TTBK1: variants seen among roughly 807,000 people sequenced by gnomAD.
The protein encoded by TTBK1 is tau-tubulin kinase 1.
In TTBK1, 34 loss-of-function variants were observed where a neutral mutation model predicts 108.5. The ratio of observed to expected loss-of-function variants is 0.31; its 90% CI spans 0.24 to 0.42. The LOEUF (loss-of-function observed/expected upper bound fraction) is 0.42, where lower values mean the gene tolerates loss of function less well. TTBK1 is among the 10% of genes least tolerant of loss of function. The pLI is 1.00. For missense variants in TTBK1, 1,539 were observed against 1,826.0 expected (o/e 0.84, Z 2.86); for synonymous variants, 809 against 795.1 (o/e 1.02, Z -0.29).
At chr6:43,244,200 C>G (rs1453842044) in intron 1 of TTBK1, among the ~76,000 whole-genome samples, 1 of 151,892 alleles carries the variant, frequency 6.6e-6, no homozygotes, top group African/African-American at 2.4e-5. Context: ...CTGATCCTGT[C>G]GCTCCTCATC....
chr6:43,268,850 T>C, intron 13 of TTBK1, among the ~76,000 whole-genome samples: 1 of 152,120 alleles, frequency 6.6e-6, no homozygotes. Flanking sequence ...CTTCCCTCAT[T>C]TGGAAGAGTG....
rs756944971 is a variant in TTBK1 at position 43,282,758 on chromosome 6, A to G, written c.2018A>G (p.Asn673Ser). ...TCCGTGGCGCCCCCATTTGAGGTGAATGGCCTCCCACGAGCTGTGCCTCTG... is the reference window on the plus strand; with the variant it reads ...TCCGTGGCGCCCCCATTTGAGGTGAGTGGCCTCCCACGAGCTGTGCCTCTG... ...VFSVAPPFEV[N>S]GLPRAVPLSL... The change falls in exon 14 of 15, where the codon AAT becomes AGT. Residue 673 changes from asparagine to serine, a missense_variant. Transcript: ENST00000259750. This position sits in a 1 kb window ranked among gnomAD's most constrained non-coding sequence, Gnocchi z 5.4. The G allele has an allele frequency of 5.6e-6, 9 of 1,610,626 alleles. No homozygotes were observed. The highest frequency in any genetic ancestry group is 1.1e-5 in the South Asian group (1 of 90,934).
intron 7 of TTBK1, 69 bp from the exon 8 acceptor site, chr6:43,255,483 G>A: frequency 7.0e-7 from 1 of 1,420,794 alleles, no homozygotes; most frequent in Admixed American, 2.0e-5. Flanking sequence ...GCCCCTCAGA[G>A]AAGGGTCAGC....
chr6:43,275,223 C>CGCGGCCAGCGCCACGAATGT (rs1777937738), intron 13 of TTBK1, among the ~76,000 whole-genome samples: 1 of 152,098 alleles, frequency 6.6e-6, no homozygotes, highest in South Asian at 2.1e-4. Context: ...CGCCCGCCCC[C>CGCGGCCAGCGCCACGAATGT]GCGGCCAGCG....
At chr6:43,245,505 C>T (rs1777062124) in intron 1 of TTBK1, among the ~76,000 whole-genome samples, 1 of 152,200 alleles carries the variant, frequency 6.6e-6, no homozygotes, top group South Asian at 2.1e-4. Context: ...TACAGAGATA[C>T]ATGTAGAAAA....
intron 14 of TTBK1, among the ~76,000 whole-genome samples, chr6:43,284,761 C>A (rs1279810462): frequency 6.6e-6 from 1 of 152,174 alleles, no homozygotes; most frequent in East Asian, 1.9e-4. Flanking sequence ...AGAAAGCCAG[C>A]AGCAGGCTCT....
At position 43,259,820 on chromosome 6, in the gene TTBK1, TGA is replaced by T; in HGVS notation, c.1424+118_1424+119del. Reference sequence around the variant, plus strand: ...GAGGTGGGCAGACCCTGGGAAGTGCTGAGAGGGTTATACTTGGGCCTGGGGTC... The same window carrying T: ...GAGGTGGGCAGACCCTGGGAAGTGCTGAGGGTTATACTTGGGCCTGGGGTC... On this transcript the variant is annotated intron_variant, in intron 12 of 14. Coordinates refer to ENST00000259750, the MANE Select transcript of TTBK1 (RefSeq NM_032538.3). The surrounding 1 kb of genome is among the most constrained non-coding windows in gnomAD (Gnocchi z 6.7). The T allele has an allele frequency of 8.7e-7, 1 of 1,146,092 alleles. No homozygotes were observed. The highest frequency in any genetic ancestry group is 1.2e-6 in the Non-Finnish European group (1 of 830,216). 71.0% of individuals were successfully genotyped at this position (1,146,092 alleles called of 1,614,324 possible). A position where few individuals can be genotyped will look rare whatever the true frequency, so the allele number is the denominator to read the frequency against.
Position 43,259,728 on chromosome 6 carries a change from T to G in TTBK1, c.1424+22T>G. The G allele has an allele frequency of 6.5e-7, 1 of 1,544,702 alleles. No homozygotes were observed. Among genetic ancestry groups the G allele is most frequent in the Non-Finnish European group, 8.7e-7 (1 of 1,146,994 alleles). ...GGAGGTGGGTCTGGGGCCAGGGGCA[T>G]GGTTGGGGCCCAAGGCCCTCTCCGC... On this transcript the variant is annotated intron_variant, in intron 12 of 14. Transcript: ENST00000259750. The surrounding 1 kb of genome is among the most constrained non-coding windows in gnomAD (Gnocchi z 6.7).
At position 43,286,297 on chromosome 6, in the gene TTBK1, C is replaced by G. The variant is rs1389664756; in HGVS notation, c.*921C>G. 1.3e-5 allele frequency: 2 copies of G among 152,638 alleles called. No individual in the cohort carries two copies. The highest frequency in any genetic ancestry group is 2.4e-5 in the African/African-American group (1 of 41,428). The allele number at this position is 152,638 out of a possible 1,614,324, so 9.5% of individuals were successfully genotyped here. A position where few individuals can be genotyped will look rare whatever the true frequency, so the allele number is the denominator to read the frequency against. ...GTTCCCCTGATCTAGTGCTCAGGACCCTTCACCATCAGGAATTCCTTCCTG... is the reference window on the plus strand; with the variant it reads ...GTTCCCCTGATCTAGTGCTCAGGACGCTTCACCATCAGGAATTCCTTCCTG... On this transcript the variant is annotated 3_prime_UTR_variant, in exon 15 of 15. Transcript: ENST00000259750. The surrounding 1 kb of genome is among the most constrained non-coding windows in gnomAD (Gnocchi z 4.6).
At chr6:43,271,998 C>G (rs1340776374) in intron 13 of TTBK1, 1 of 985,114 alleles carries the variant, frequency 1.0e-6, no homozygotes, top group Non-Finnish European at 1.2e-6. Context: ...CAAGGTGGAC[C>G]CTTTGAGAAG....
intron 13 of TTBK1, among the ~76,000 whole-genome samples, chr6:43,272,953 C>T (rs575653029): frequency 6.6e-6 from 1 of 152,144 alleles, no homozygotes; most frequent in Admixed American, 6.5e-5. Flanking sequence ...GTGGTGTTTT[C>T]GCACTTCATA....
chr6:43,266,611 G>C (rs541185723), intron 13 of TTBK1, among the ~76,000 whole-genome samples: 2 of 151,288 alleles, frequency 1.3e-5, no homozygotes, highest in Non-Finnish European at 3.0e-5. Context: ...TGAGGTCTGT[G>C]AATTTTTTTT....
chr6:43,255,946 A>G, intron 9 of TTBK1, 90 bp downstream of exon 9: 1 of 1,526,476 alleles, frequency 6.6e-7, no homozygotes, highest in Non-Finnish European at 9.0e-7. Context: ...GAGGCTCCAC[A>G]GCCCTGCCTT....
At chr6:43,274,727 T>C (rs1460873601) in intron 13 of TTBK1, among the ~76,000 whole-genome samples, 1 of 150,960 alleles carries the variant, frequency 6.6e-6, no homozygotes, top group African/African-American at 2.4e-5. Context: ...AGTCAGCCCC[T>C]GAAAATGTCA....
At chr6:43,281,550 C>T (rs1778162577) in intron 13 of TTBK1, among the ~76,000 whole-genome samples, 1 of 151,962 alleles carries the variant, frequency 6.6e-6, no homozygotes, top group African/African-American at 2.4e-5. Context: ...TGGGGAACCA[C>T]CAGGAAAGGC....
chr6:43,257,830 G>C lies in TTBK1; in HGVS notation c.880G>C (p.Glu294Gln). Residue 294 changes from glutamate to glutamine, a missense_variant, in exon 10 of 15, where the codon GAG becomes CAG. Coordinates refer to ENST00000259750, the MANE Select transcript of TTBK1 (RefSeq NM_032538.3). The surrounding 1 kb of genome is among the most constrained non-coding windows in gnomAD (Gnocchi z 4.5). ...CCTGCAGTTGATCATGTCAGTGTTT[G>C]AGAACAGCATGAAGGAGAGGGGCAT... ...PDYQLIMSVFENSMKERGIAE... is the reference protein window; with the variant it reads ...PDYQLIMSVFQNSMKERGIAE... 6.2e-7 allele frequency: 1 copy of C among 1,613,890 alleles called. No individual in the cohort carries two copies. The highest frequency in any genetic ancestry group is 1.1e-5 in the South Asian group (1 of 91,068).
At chr6:43,277,811 A>T (rs529968140) in intron 13 of TTBK1, among the ~76,000 whole-genome samples, 1 of 152,238 alleles carries the variant, frequency 6.6e-6, no homozygotes, top group South Asian at 2.1e-4. Context: ...GACAGAGGTG[A>T]TGCAGGCACA....
intron 2 of TTBK1, among the ~76,000 whole-genome samples, chr6:43,249,645 C>T (rs1360417958): frequency 1.3e-5 from 2 of 151,606 alleles, no homozygotes; most frequent in Non-Finnish European, 2.9e-5. Context: ...GATGAGATCT[C>T]GGCTCACTGC....
At chr6:43,252,182 C>CTGTGTGTGTGTGTGTGTG (rs58985204) in intron 2 of TTBK1, among the ~76,000 whole-genome samples, 7 of 140,114 alleles carry the variant, frequency 5.0e-5, no homozygotes, top group African/African-American at 1.9e-4. Flanking sequence ...ACATCTGGCT[C>CTGTGTGTGTGTGTGTGTG]TGTGTGTGTG....
Sources: allele counts gnomAD v4.1 joint callset (sites outside exome capture counted in the v4.1 genomes callset), GRCh38; gene constraint gnomAD v4.1.1; non-coding constraint Gnocchi (gnomAD v3.1); transcripts MANE v1.5; gene names NCBI Gene and HGNC (gene_info 2026-07-23, HGNC 2026-07-21).